The following FGF22 variants were observed in gnomAD, a reference collection of about 807,000 sequenced individuals.
The protein encoded by FGF22 is FGF-22.
Under a neutral mutation model 10.3 loss-of-function variants are expected in FGF22, and 11 were observed. That is an observed-to-expected ratio of 1.07 (90% CI 0.67 to 1.77). The LOEUF is 1.77. Among genes scored for constraint, FGF22 ranks in the 40% most tolerant of loss-of-function variants. The pLI is 0.00. For missense variants in FGF22, 317 were observed against 273.2 expected (o/e 1.16, Z -1.13); for synonymous variants, 136 against 122.1 (o/e 1.11, Z -0.75).
At chr19:640,988 C>A (rs1600614263) in intron 1 of FGF22, 1 of 358,764 alleles carries the variant, frequency 2.8e-6, no homozygotes, top group East Asian at 7.4e-5. Context: ...GCGGGCATGG[C>A]CAGGCGGGGT....
At position 643,287 on chromosome 19, in the gene FGF22, G is replaced by A. The variant is rs138204793; in HGVS notation, c.267G>A (p.Val89=). 1.6e-4 allele frequency: 265 copies of A among 1,611,818 alleles called. No individual in the cohort carries two copies. The African/African-American group carries it at 3.1e-3, about 19-fold the overall frequency. ...TGGGCGTCGTGGTCATCAAAGCAGT[G>A]TCCTCAGGCTTCTACGTGGCCATGA... is the stretch of plus-strand genomic sequence containing the variant. The change falls in exon 2 of 3, where the codon GTG becomes GTA. Residue 89 remains valine (V), a synonymous_variant. Transcript: ENST00000215530.
exon 3 of FGF22, chr19:643,725 G>A: frequency 1.1e-6 from 1 of 885,746 alleles, no homozygotes. Context: ...CGGGCGCTGT[G>A]GACACAGCCC....
At chr19:640,960 TG>T (rs1985879072) in intron 1 of FGF22, 1 of 350,410 alleles carries the variant, frequency 2.9e-6, no homozygotes, top group Non-Finnish European at 5.7e-6. Context: ...GGGGACTGGC[TG>T]GGCCGGTCCA....
exon 3 of FGF22, chr19:643,457 C>A: frequency 6.2e-7 from 1 of 1,611,472 alleles, no homozygotes; most frequent in Non-Finnish European, 8.5e-7. Context: ...TCGAAGAGAA[C>A]GGCCACAACA....
At chr19:643,767 G>A (rs976992611) in exon 3 of FGF22, 6 of 639,390 alleles carry the variant, frequency 9.4e-6, no homozygotes, top group African/African-American at 3.7e-5. Context: ...CAGCCTGAGG[G>A]GGTGGTGGCC....
In FGF22 at chr19:643,414, T is replaced by TC. The variant is rs2144745497; in HGVS notation, c.324dup (p.Tyr109LeufsTer66). 2 of 1,611,042 alleles carry TC rather than the reference T, an allele frequency of 1.2e-6. No individual in the cohort carries two copies. Among genetic ancestry groups the TC allele is most frequent in the East Asian group, 4.5e-5 (2 of 44,802 alleles). On this transcript the variant is annotated frameshift_variant, in exon 3 of 3. Coordinates refer to ENST00000215530, the Ensembl canonical transcript of FGF22. LOFTEE classifies it low-confidence loss of function (END_TRUNC). ...CGGCCTCACCCCCGCCCGCAGCGAC[T>TC]CTACACCGTGGACTGCAGGTTCCGG...
intron 1 of FGF22, among the ~76,000 whole-genome samples, chr19:642,939 C>T (rs529759970): frequency 6.6e-6 from 1 of 152,152 alleles, no homozygotes; most frequent in South Asian, 2.1e-4. Flanking sequence ...CAGCGCTGAC[C>T]TGGCCCTCCC....
At chr19:643,205 A>C (rs1490942143) in intron 1 of FGF22, 30 bp from the exon 2 acceptor site, 1 of 1,206,810 alleles carries the variant, frequency 8.3e-7, no homozygotes, top group Admixed American at 2.7e-5. Context: ...GTGAGCCAGC[A>C]AGGCCCTCCC....
chr19:642,254 AGGGCC>A, intron 1 of FGF22, among the ~76,000 whole-genome samples: 3 of 92,412 alleles, frequency 3.2e-5, no homozygotes, highest in African/African-American at 1.2e-4. Flanking sequence ...GTGAGCTGTG[AGGGCC>A]GGGCTGGGGG....
At chr19:640,055 C>G (rs1985849989) in exon 1 of FGF22, 1 of 1,416,402 alleles carries the variant, frequency 7.1e-7, no homozygotes. Flanking sequence ...GCGCTGGCGG[C>G]GCCTCTTCTC....
At chr19:641,261 G>A (rs1455222587) in intron 1 of FGF22, 2 of 455,866 alleles carry the variant, frequency 4.4e-6, no homozygotes, top group South Asian at 3.1e-5. Context: ...ACGTGAACAA[G>A]GGCGCAGGTG....
At chr19:643,542 C>T (rs1477454344) in exon 3 of FGF22, 2 of 1,599,804 alleles carry the variant, frequency 1.3e-6, no homozygotes, top group Admixed American at 1.7e-5. Flanking sequence ...GGGGCCCCGG[C>T]CAGGCGGCCG....
chr19:640,265 A>G (rs760842940), intron 1 of FGF22, 126 bp downstream of exon 1: 4 of 571,402 alleles, frequency 7.0e-6, no homozygotes, highest in Non-Finnish European at 7.8e-6. Flanking sequence ...CCTCGGCCTC[A>G]GTTTCCGTGG....
chr19:641,530 G>A (rs1402941770), intron 1 of FGF22: 6 of 249,208 alleles, frequency 2.4e-5, no homozygotes, highest in Admixed American at 1.4e-4. Flanking sequence ...AGCTGAGATC[G>A]CGCCACTGCC....
At position 643,686 on chromosome 19, in the gene FGF22, C is replaced by T; in HGVS notation, c.*82C>T. 4.1e-6 allele frequency: 5 copies of T among 1,217,642 alleles called. No homozygotes were observed. The South Asian group carries it at 6.2e-5, about 15-fold the overall frequency. 75.4% of individuals were successfully genotyped at this position (1,217,642 alleles called of 1,614,324 possible). A position where few individuals can be genotyped will look rare whatever the true frequency, so the allele number is the denominator to read the frequency against. On this transcript the variant is annotated 3_prime_UTR_variant, in exon 3 of 3. Coordinates refer to ENST00000215530, the Ensembl canonical transcript of FGF22. ...CCACGCTTGTTCTTCCCCCTGCGGG[C>T]TCTGTAAGCGCTGAGTGCCCACCGT...
chr19:642,345 G>C lies in FGF22; in HGVS notation c.215-890G>C, dbSNP rs1185612498. ...GGGGTGGTGTGAGCTGTGAGGGCCGGGCTGGGGGCTCCATATGGGGTGGTG... is the reference window on the plus strand; with the variant it reads ...GGGGTGGTGTGAGCTGTGAGGGCCGCGCTGGGGGCTCCATATGGGGTGGTG... On this transcript the variant is annotated intron_variant, in intron 1 of 2. Transcript: ENST00000215530. 1.0e-3 allele frequency among the ~76,000 whole-genome samples: 14 copies of C among 13,464 alleles called. 2 individuals carry two copies. Among genetic ancestry groups the C allele is most frequent in the African/African-American group, 3.5e-3 (11 of 3,108 alleles). The allele number at this position is 13,464 out of a possible 152,430, so 8.8% of individuals were successfully genotyped here.
chr19:643,158 C>T, intron 1 of FGF22, 77 bp from the exon 2 acceptor site: 1 of 356,808 alleles, frequency 2.8e-6, no homozygotes. Context: ...TCCTGAGGGC[C>T]CTGCACGAAG....
chr19:643,217 G>A lies in FGF22; in HGVS notation c.215-18G>A, dbSNP rs376025361. On this transcript the variant is annotated intron_variant, in intron 1 of 2. Transcript: ENST00000215530. ...GGGGTGAGCCAGCAAGGCCCTCCCC[G>A]ACCCCCGCCTCCCCCAGGCATCCTG... 2.0e-5 allele frequency: 29 copies of A among 1,452,010 alleles called. No homozygotes were observed. The East Asian group carries it at 2.3e-4, about 12-fold the overall frequency. 89.9% of individuals were successfully genotyped at this position (1,452,010 alleles called of 1,614,324 possible).
rs759084167 is a variant in FGF22, at chr19:643,310, T to C, written c.290T>C (p.Met97Thr). The change falls in exon 2 of 3, where the codon ATG becomes ACG. Residue 97 changes from methionine to threonine, a missense_variant. Coordinates refer to ENST00000215530, the Ensembl canonical transcript of FGF22. The stretch of plus-strand genomic sequence containing the variant: ...GTGTCCTCAGGCTTCTACGTGGCCA[T>C]GAACCGCCGGGGCCGCCTCTACGGG... The C allele has an allele frequency of 3.1e-6, 5 of 1,604,050 alleles. No homozygotes were observed. In the African/African-American group the frequency reaches 4.1e-5, roughly 13 times the overall value.
Sources: allele counts gnomAD v4.1 joint callset (sites outside exome capture counted in the v4.1 genomes callset), GRCh38; gene constraint gnomAD v4.1.1; transcripts MANE v1.5; gene names NCBI Gene and HGNC (gene_info 2026-07-23, HGNC 2026-07-21).